Variants in NALF1 observed in about 807,000 individuals in gnomAD.
The protein encoded by NALF1 is family with sequence similarity 155 member A.
A neutral mutation model predicts 48.4 loss-of-function variants in NALF1; 3 were observed. The ratio of observed to expected loss-of-function variants is 0.06; its 90% CI spans 0.03 to 0.16. The LOEUF is 0.16. NALF1 is among the 10% of genes least tolerant of loss of function. The pLI is 1.00. For synonymous variants in NALF1, 262 were observed against 245.7 expected, an observed-to-expected ratio of 1.07 and a Z score of -0.62; for missense variants, 526 against 571.5, an observed-to-expected ratio of 0.92 and a Z score of 0.81.
chr13:107,657,568 T>C (rs779564977), intron 1 of NALF1, among the ~76,000 whole-genome samples: 2 of 152,038 alleles, frequency 1.3e-5, no homozygotes, highest in African/African-American at 2.4e-5. Context: ...GGATCACATG[T>C]ATTGAGTATG....
chr13:107,499,009 T>TACATATCTAACACACAC (rs1365258013), intron 1 of NALF1, among the ~76,000 whole-genome samples: 4 of 152,178 alleles, frequency 2.6e-5, no homozygotes, highest in African/African-American at 9.7e-5. Context: ...GGGTGTTCAG[T>TACATATCTAACACACAC]ACATATCTAA....
chr13:107,494,593 T>G (rs1875262998), intron 1 of NALF1, among the ~76,000 whole-genome samples: 1 of 152,214 alleles, frequency 6.6e-6, no homozygotes, highest in Admixed American at 6.5e-5. Context: ...AACTGAGCAA[T>G]GAGATTCAAG....
chr13:107,588,305 T>C (rs1208978111), intron 1 of NALF1, among the ~76,000 whole-genome samples: 2 of 152,116 alleles, frequency 1.3e-5, no homozygotes, highest in Non-Finnish European at 2.9e-5. Flanking sequence ...CCTGTCTTGA[T>C]GCCATGTGAT....
intron 1 of NALF1, among the ~76,000 whole-genome samples, chr13:107,295,232 C>G (rs1024247859): frequency 6.6e-6 from 1 of 152,142 alleles, no homozygotes. Flanking sequence ...TAAGTGATAA[C>G]ATGTGGTATT....
chr13:107,410,023 G>C (rs1883962928), intron 1 of NALF1, among the ~76,000 whole-genome samples: 3 of 152,212 alleles, frequency 2.0e-5, no homozygotes, highest in Non-Finnish European at 4.4e-5. Context: ...CAAAATGCTA[G>C]AAAAGGATGG....
intron 1 of NALF1, among the ~76,000 whole-genome samples, chr13:107,274,008 A>T (rs1454278294): frequency 6.7e-6 from 1 of 150,246 alleles, no homozygotes; most frequent in Non-Finnish European, 1.5e-5. Flanking sequence ...GAGAAACTAC[A>T]TTCACTGAGG....
At chr13:107,488,545 C>T (rs934746363) in intron 1 of NALF1, among the ~76,000 whole-genome samples, 2 of 152,100 alleles carry the variant, frequency 1.3e-5, no homozygotes, top group African/African-American at 4.8e-5. Flanking sequence ...TCAATAGATG[C>T]AGAAAAGTCT....
chr13:107,338,439 A>G (rs1423418777), intron 1 of NALF1, among the ~76,000 whole-genome samples: 2 of 152,182 alleles, frequency 1.3e-5, no homozygotes, highest in African/African-American at 4.8e-5. Flanking sequence ...AAATAGTGTC[A>G]ATATATTTAC....
At chr13:107,657,249 G>A (rs1880606256) in intron 1 of NALF1, among the ~76,000 whole-genome samples, 1 of 152,018 alleles carries the variant, frequency 6.6e-6, no homozygotes, top group African/African-American at 2.4e-5. Flanking sequence ...CATGTATCCA[G>A]TTTACTTCTG....
rs796242364 is a variant in NALF1, at chr13:107,360,131, CAA to C, written c.916-149378_916-149377del. On this transcript the variant is annotated intron_variant, in intron 1 of 2. Transcript: ENST00000375915. ...TTGATGATGGCTGCTATGGCACTAA[CAA>C]AGAGAAAATAAATGTAGGCACTTGT... Among the ~76,000 whole-genome samples the C allele has an allele frequency of 4.7e-4, 72 of 152,016 alleles. 1 individual carries two copies. Among genetic ancestry groups the C allele is most frequent in the African/African-American group, 1.6e-3 (65 of 41,466 alleles).
chr13:107,491,142 C>A (rs908452330), intron 1 of NALF1, among the ~76,000 whole-genome samples: 1 of 152,172 alleles, frequency 6.6e-6, no homozygotes, highest in African/African-American at 2.4e-5. Context: ...TGATTCCTGG[C>A]ACAATGGAAC....
chr13:107,828,602 T>C (rs1879599030), intron 1 of NALF1, among the ~76,000 whole-genome samples: 4 of 43,284 alleles, frequency 9.2e-5, no homozygotes, highest in Non-Finnish European at 3.1e-4. Flanking sequence ...TATATCTATA[T>C]CTATACACAC....
chr13:107,308,288 G>T (rs1881979499), intron 1 of NALF1, among the ~76,000 whole-genome samples: 1 of 140,086 alleles, frequency 7.1e-6, no homozygotes, highest in Admixed American at 8.0e-5. Flanking sequence ...TGCAAGCTCC[G>T]TCTCCCGGGT....
intron 1 of NALF1, among the ~76,000 whole-genome samples, chr13:107,473,648 T>C (rs17381381): frequency 0.017 from 2,562 of 152,266 alleles, 44 homozygotes; most frequent in Middle Eastern, 0.034. Context: ...GGCCAAAAGA[T>C]AGTAGTAGAA....
chr13:107,275,511 C>T (rs191070581), intron 1 of NALF1, among the ~76,000 whole-genome samples: 7 of 152,104 alleles, frequency 4.6e-5, no homozygotes, highest in Non-Finnish European at 7.4e-5. Flanking sequence ...TCTATTATTG[C>T]GTAACAAATT....
intron 1 of NALF1, among the ~76,000 whole-genome samples, chr13:107,862,625 T>C (rs935496394): frequency 2.0e-5 from 3 of 151,968 alleles, no homozygotes; most frequent in Admixed American, 1.3e-4. Context: ...TTTAAAAATA[T>C]TGAGTGAATA....
At chr13:107,510,708 C>T (rs1483271878) in intron 1 of NALF1, among the ~76,000 whole-genome samples, 2 of 152,142 alleles carry the variant, frequency 1.3e-5, no homozygotes, top group Non-Finnish European at 2.9e-5. Flanking sequence ...CTCAATTTCA[C>T]AGAACAGCAA....
chr13:107,628,713 T>C (rs988022845), intron 1 of NALF1, among the ~76,000 whole-genome samples: 7 of 152,196 alleles, frequency 4.6e-5, no homozygotes, highest in Non-Finnish European at 1.0e-4. Flanking sequence ...AACTTTCACA[T>C]AGAATGCCAA....
At chr13:107,795,295 G>C (rs1878384537) in intron 1 of NALF1, among the ~76,000 whole-genome samples, 1 of 152,024 alleles carries the variant, frequency 6.6e-6, no homozygotes, top group Admixed American at 6.6e-5. Flanking sequence ...TACACATCTT[G>C]CAAAGAAAGA....
Sources: allele counts gnomAD v4.1 joint callset (sites outside exome capture counted in the v4.1 genomes callset), GRCh38; gene constraint gnomAD v4.1.1; transcripts MANE v1.5; gene names NCBI Gene and HGNC (gene_info 2026-07-23, HGNC 2026-07-21).